Variants in ABCA12 observed in about 807,000 individuals in gnomAD.
ABCA12 encodes ATP binding cassette subfamily A member 12, also known as glucosylceramide transporter ABCA12.
Under a neutral mutation model 293.5 loss-of-function variants are expected in ABCA12, and 156 were observed. That is an observed-to-expected ratio of 0.53 (90% CI 0.47 to 0.61). ABCA12 has a LOEUF of 0.61. ABCA12 is among the 20% of genes least tolerant of loss of function. The probability of loss-of-function intolerance (pLI) is 0.00; values close to 1 mark genes in which losing one functional copy is unlikely to be tolerated. For synonymous variants in ABCA12, 1,063 were observed against 1,108.0 expected, an observed-to-expected ratio of 0.96 and a Z score of 0.81; for missense variants, 2,797 against 3,090.2, an observed-to-expected ratio of 0.91 and a Z score of 2.25.
intron 16 of ABCA12, 105 bp downstream of exon 16, chr2:215,011,866 T>TA (rs11388414): frequency 2.2e-5 from 18 of 823,238 alleles, no homozygotes; most frequent in Non-Finnish European, 5.1e-6. Flanking sequence ...GTAGGTGTTG[T>TA]TTTTTTTTTT....
chr2:214,961,763 T>A (rs1699119343), intron 39 of ABCA12: 1 of 152,186 alleles, frequency 6.6e-6, no homozygotes, highest in South Asian at 2.1e-4. Flanking sequence ...ATGCTCTAGA[T>A]CTAATGACTA....
intron 1 of ABCA12, among the ~76,000 whole-genome samples, chr2:215,112,654 C>T (rs1029989182): frequency 1.3e-5 from 2 of 151,806 alleles, no homozygotes; most frequent in Admixed American, 6.6e-5. Flanking sequence ...CCCGCCACCA[C>T]GCCTGGCTAA....
intron 30 of ABCA12, among the ~76,000 whole-genome samples, chr2:214,981,957 A>ATTTTTTTTTT (rs1699670492): frequency 8.1e-6 from 1 of 123,956 alleles, no homozygotes; most frequent in African/African-American, 3.2e-5. Flanking sequence ...TATTATTATT[A>ATTTTTTTTTT]TTATTATTAT....
chr2:214,992,448 GAAAAAAAAAAAATGAA>G (rs1377392985), intron 23 of ABCA12, among the ~76,000 whole-genome samples: 1 of 36,240 alleles, frequency 2.8e-5, no homozygotes, highest in Non-Finnish European at 5.2e-5. Flanking sequence ...GTCTCAAAAA[GAAAAAAAAAAAATGAA>G]AAAAAAAAAA....
chr2:215,113,172 C>T (rs927563919), intron 1 of ABCA12, among the ~76,000 whole-genome samples: 1 of 152,156 alleles, frequency 6.6e-6, no homozygotes, highest in South Asian at 2.1e-4. Context: ...AATTACTGAT[C>T]CTTAAATAAC....
At chr2:214,980,357 T>C in intron 31 of ABCA12, 126 bp downstream of exon 31, 1 of 1,331,826 alleles carries the variant, frequency 7.5e-7, no homozygotes, top group Non-Finnish European at 1.0e-6. Flanking sequence ...CACTCAAATA[T>C]GAGAAGCAGT....
chr2:215,096,142 C>G (rs1483022548), intron 2 of ABCA12, among the ~76,000 whole-genome samples: 2 of 152,124 alleles, frequency 1.3e-5, no homozygotes, highest in East Asian at 1.9e-4. Flanking sequence ...TTTATTGAGC[C>G]CTTACTATAT....
chr2:214,981,207 G>A (rs1306555250), intron 30 of ABCA12, among the ~76,000 whole-genome samples: 1 of 151,946 alleles, frequency 6.6e-6, no homozygotes, highest in East Asian at 1.9e-4. Flanking sequence ...TATGCTGAGT[G>A]ACTAAATGTT....
chr2:214,941,925 G>A (rs577786666), intron 50 of ABCA12, among the ~76,000 whole-genome samples: 1 of 152,188 alleles, frequency 6.6e-6, no homozygotes, highest in East Asian at 1.9e-4. Context: ...GCCAGTCTGT[G>A]TCTTTTAACT....
At chr2:215,044,111 A>G (rs1220747132) in intron 7 of ABCA12, among the ~76,000 whole-genome samples, 3 of 152,118 alleles carry the variant, frequency 2.0e-5, no homozygotes, top group Admixed American at 6.5e-5. Context: ...GCTATTATCA[A>G]GAAATAAACA....
intron 15 of ABCA12, 36 bp from the exon 16 acceptor site, chr2:215,012,171 G>A (rs752980759): frequency 1.2e-6 from 2 of 1,601,062 alleles, no homozygotes; most frequent in Admixed American, 1.7e-5. Flanking sequence ...TGCTTTATGT[G>A]GAAAAATTGA....
rs752930127 is a variant in ABCA12 at position 215,001,643 on chromosome 2, T to A, written c.2778A>T (p.Leu926Phe). 2.5e-6 allele frequency: 4 copies of A among 1,613,734 alleles called. No homozygotes were observed. Among genetic ancestry groups the A allele is most frequent in the Non-Finnish European group, 2.5e-6 (3 of 1,179,838 alleles). ...TTTTTGCTGCCTGAATACGGTCATA[T>A]AATACACAAGAGGAAATATTTACTG... The part of the protein sequence containing the change: ...SLTVNISSCV[L>F]YDRIQAAKTI... Residue 926 changes from leucine to phenylalanine, a missense_variant, in exon 21 of 53, where the codon TTA (leucine) becomes TTT (phenylalanine). Physicochemically the swap from Leu to Phe is conservative, Grantham distance 22. Coordinates refer to ENST00000272895, the MANE Select transcript of ABCA12 (RefSeq NM_173076.3).
intron 37 of ABCA12, 72 bp downstream of exon 37, chr2:214,970,201 A>G: frequency 6.9e-7 from 1 of 1,454,638 alleles, no homozygotes; most frequent in Admixed American, 2.0e-5. Flanking sequence ...ATTTGTATCT[A>G]TTGTCTCTTT....
chr2:215,075,504 T>C (rs780435270), intron 2 of ABCA12: 6 of 681,126 alleles, frequency 8.8e-6, no homozygotes, highest in Non-Finnish European at 1.6e-5. Flanking sequence ...GCTTTGCAAA[T>C]GATTTATTGT....
At chr2:214,974,138 T>G (rs990465338) in intron 35 of ABCA12, 96 bp from the exon 36 acceptor site, 12 of 1,083,812 alleles carry the variant, frequency 1.1e-5, no homozygotes, top group Admixed American at 9.2e-5. Flanking sequence ...ATTAAGTTCA[T>G]GTGTGTAGTC....
intron 18 of ABCA12, 74 bp from the exon 19 acceptor site, chr2:215,007,920 T>G (rs981865557): frequency 3.8e-6 from 6 of 1,586,366 alleles, no homozygotes; most frequent in East Asian, 2.2e-5. Context: ...ATCTTAAGAT[T>G]GTTTTGTTAC....
At chr2:215,039,717 T>G (rs558365047) in intron 7 of ABCA12, among the ~76,000 whole-genome samples, 1 of 151,982 alleles carries the variant, frequency 6.6e-6, no homozygotes, top group South Asian at 2.1e-4. Context: ...ATCCCGCCAC[T>G]GCACTCCAGC....
chr2:214,980,538 A>C lies in ABCA12; in HGVS notation c.4685T>G (p.Phe1562Cys). The C allele has an allele frequency of 6.2e-7, 1 of 1,613,974 alleles. No individual in the cohort carries two copies. Among genetic ancestry groups the C allele is most frequent in the South Asian group, 1.1e-5 (1 of 91,078 alleles). The change falls in exon 31 of 53, where the codon TTT (phenylalanine) becomes TGT (cysteine). Residue 1562 changes from phenylalanine to cysteine, a missense_variant. Coordinates refer to ENST00000272895, the MANE Select transcript of ABCA12 (RefSeq NM_173076.3). ...QGGLRCCGSP[F>C]YLKEAFGDGY... Reference sequence around the variant, plus strand: ...ATCGCCAAAGGCTTCCTTGAGGTAAAATGGGGACCCACAGCACCTAAGCCC... The same window carrying C: ...ATCGCCAAAGGCTTCCTTGAGGTAACATGGGGACCCACAGCACCTAAGCCC...
At chr2:214,943,315 ATT>A (rs67922532) in intron 49 of ABCA12, among the ~76,000 whole-genome samples, 1 of 150,544 alleles carries the variant, frequency 6.6e-6, no homozygotes, top group Non-Finnish European at 1.5e-5. Context: ...TTTAATTTTA[ATT>A]TTTTTTTGTA....
Sources: allele counts gnomAD v4.1 joint callset (sites outside exome capture counted in the v4.1 genomes callset), GRCh38; gene constraint gnomAD v4.1.1; transcripts MANE v1.5; gene names NCBI Gene and HGNC (gene_info 2026-07-23, HGNC 2026-07-21).